Variants in UGT3A1 observed in about 807,000 individuals in gnomAD.
UGT3A1 encodes the protein UDP-glycosyltransferase 3A1.
A neutral mutation model predicts 37.6 loss-of-function variants in UGT3A1; 40 were observed. That is an observed-to-expected ratio of 1.06 (90% CI 0.83 to 1.38). The LOEUF (loss-of-function observed/expected upper bound fraction) is 1.38, where lower values mean the gene tolerates loss of function less well. Ranked by LOEUF, UGT3A1 falls within the 40% of genes most tolerant of loss-of-function variation. The pLI is 0.00. For synonymous variants in UGT3A1, 256 were observed against 232.3 expected (o/e 1.10, Z -0.93); for missense variants, 642 against 634.2 (o/e 1.01, Z -0.13).
In UGT3A1 at chr5:35,988,533, A is replaced by AGTAG; in HGVS notation, c.109_112dup (p.Leu38ProfsTer16). On this transcript the variant is annotated frameshift_variant, in exon 2 of 7. Coordinates refer to ENST00000274278, the MANE Select transcript of UGT3A1 (RefSeq NM_152404.4). LOFTEE classifies it high-confidence loss of function. ...AAGAATCTGAGACACCCGGTCCAAC[A>AGTAG]GTAGGTAATGGCTTCCACCTAGAAA... 1 of 1,613,212 alleles carries AGTAG rather than the reference A, an allele frequency of 6.2e-7. No homozygotes were observed. Among genetic ancestry groups the AGTAG allele is most frequent in the Non-Finnish European group, 8.5e-7 (1 of 1,179,600 alleles).
In UGT3A1 at chr5:35,953,026, G is replaced by A. The variant is rs1342601896; in HGVS notation, c.*1176C>T. On this transcript the variant is annotated 3_prime_UTR_variant, in exon 7 of 7. Transcript: ENST00000274278. ...TAGAATTAAACAATCTAAAACTATG[G>A]TTCATCCAGGGCCTCTCCATATGCC... 6.6e-6 allele frequency: 1 copy of A among 152,240 alleles called. No individual in the cohort carries two copies. Among genetic ancestry groups the A allele is most frequent in the Non-Finnish European group, 1.5e-5 (1 of 68,034 alleles). 9.4% of individuals were successfully genotyped at this position (152,240 alleles called of 1,614,324 possible).
chr5:35,973,249 C>T (rs151103061), intron 2 of UGT3A1, among the ~76,000 whole-genome samples: 165 of 152,118 alleles, frequency 1.1e-3, no homozygotes, highest in Non-Finnish European at 1.2e-3. Flanking sequence ...TTTTTAGATT[C>T]AAAAATAGAC....
chr5:35,964,341 G>A (rs896859365), intron 4 of UGT3A1, among the ~76,000 whole-genome samples: 2 of 151,978 alleles, frequency 1.3e-5, no homozygotes, highest in Non-Finnish European at 2.9e-5. Flanking sequence ...TCTAGCCAGC[G>A]TCACCCAGAG....
At chr5:35,973,344 T>C (rs540851686) in intron 2 of UGT3A1, among the ~76,000 whole-genome samples, 1 of 152,238 alleles carries the variant, frequency 6.6e-6, no homozygotes, top group East Asian at 1.9e-4. Flanking sequence ...AAATCTGGGG[T>C]ACATGTGTAG....
chr5:35,983,122 C>T (rs1348599570), intron 2 of UGT3A1, among the ~76,000 whole-genome samples: 1 of 151,180 alleles, frequency 6.6e-6, no homozygotes, highest in African/African-American at 2.4e-5. Flanking sequence ...TCAGGCAGTT[C>T]TATATAGTAA....
upstream of UGT3A1, among the ~76,000 whole-genome samples, chr5:35,993,508 T>C (rs1288145522): frequency 1.3e-5 from 2 of 151,748 alleles, no homozygotes; most frequent in East Asian, 3.9e-4. Context: ...AAGGCATGAA[T>C]GACTATTTTT....
In UGT3A1 at chr5:35,991,283, G is replaced by A; in HGVS notation, c.-43C>T. On this transcript the variant is annotated 5_prime_UTR_variant, in exon 1 of 7. Transcript: ENST00000274278. Reference sequence around the variant, plus strand: ...CAGCGGATCTCAGCCTGGGCTGCGCGCCCTGCGCCGGGCTAAGGACTCTGT... The same window carrying A: ...CAGCGGATCTCAGCCTGGGCTGCGCACCCTGCGCCGGGCTAAGGACTCTGT... 4 of 1,612,782 alleles carry A rather than the reference G, an allele frequency of 2.5e-6. No homozygotes were observed. The highest frequency in any genetic ancestry group is 2.5e-6 in the Non-Finnish European group (3 of 1,179,254).
chr5:35,986,624 GGAT>G (rs1381824750), intron 2 of UGT3A1, among the ~76,000 whole-genome samples: 1 of 152,034 alleles, frequency 6.6e-6, no homozygotes, highest in Non-Finnish European at 1.5e-5. Context: ...TTACAAAAGA[GGAT>G]CTTATGAAAG....
At chr5:35,968,194 CATG>C (rs1739893551) in intron 2 of UGT3A1, 61 bp from the exon 3 acceptor site, 1 of 949,100 alleles carries the variant, frequency 1.1e-6, no homozygotes, top group Non-Finnish European at 1.6e-6. Flanking sequence ...TTAACATTAG[CATG>C]ATGATATTAA....
intron 4 of UGT3A1, among the ~76,000 whole-genome samples, chr5:35,958,806 C>A (rs1464007896): frequency 2.0e-5 from 3 of 152,194 alleles, no homozygotes; most frequent in East Asian, 1.9e-4. Flanking sequence ...CCAGAAGGAG[C>A]AGAATAGAAA....
At chr5:35,998,093 G>A (rs185921758) in intron 1 of UGT3A1, among the ~76,000 whole-genome samples, 1 of 152,136 alleles carries the variant, frequency 6.6e-6, no homozygotes, top group African/African-American at 2.4e-5. Flanking sequence ...CTAAAAAAAT[G>A]AACAACCTGA....
At chr5:35,973,007 T>C (rs144379172) in intron 2 of UGT3A1, among the ~76,000 whole-genome samples, 2 of 152,242 alleles carry the variant, frequency 1.3e-5, no homozygotes, top group Non-Finnish European at 2.9e-5. Context: ...TATTTTCTGC[T>C]AAAGTCAAGG....
At chr5:35,989,993 G>A (rs535047067) in intron 1 of UGT3A1, among the ~76,000 whole-genome samples, 209 of 152,148 alleles carry the variant, frequency 1.4e-3, no homozygotes, top group African/African-American at 4.7e-3. Flanking sequence ...TCGGGAGGCT[G>A]AGGCAGGAGA....
chr5:35,977,744 C>A (rs1486559880), intron 2 of UGT3A1, among the ~76,000 whole-genome samples: 2 of 152,104 alleles, frequency 1.3e-5, no homozygotes, highest in Non-Finnish European at 2.9e-5. Context: ...TATGTTATAG[C>A]AATGTGAAAT....
At chr5:35,986,630 T>C (rs989047711) in intron 2 of UGT3A1, among the ~76,000 whole-genome samples, 1 of 152,062 alleles carries the variant, frequency 6.6e-6, no homozygotes, top group African/African-American at 2.4e-5. Flanking sequence ...AAGAGGATCT[T>C]ATGAAAGTAG....
intron 2 of UGT3A1, among the ~76,000 whole-genome samples, chr5:35,973,884 T>A (rs1303792238): frequency 6.6e-6 from 1 of 152,184 alleles, no homozygotes; most frequent in East Asian, 1.9e-4. Context: ...ATTAGAATAA[T>A]CTGATTCATG....
At chr5:35,968,167 A>G (rs1739892315) in intron 2 of UGT3A1, 34 bp from the exon 3 acceptor site, 1 of 1,299,046 alleles carries the variant, frequency 7.7e-7, no homozygotes. Flanking sequence ...AAAGGTAAAT[A>G]TATCATACAA....
At chr5:35,964,654 A>C (rs553546818) in intron 4 of UGT3A1, among the ~76,000 whole-genome samples, 1 of 152,316 alleles carries the variant, frequency 6.6e-6, no homozygotes, top group East Asian at 1.9e-4. Flanking sequence ...CATTAATAAA[A>C]ATGGAGATGA....
chr5:35,951,222 C>T lies in UGT3A1; in HGVS notation c.*2980G>A, dbSNP rs141695918. ...ATATACTTGGTATGCAAAATATTAA[C>T]GTTTCCAAAATCCAAACTATGTAAA... is the stretch of plus-strand genomic sequence containing the variant. On this transcript the variant is annotated 3_prime_UTR_variant, in exon 7 of 7. Coordinates refer to ENST00000274278, the MANE Select transcript of UGT3A1 (RefSeq NM_152404.4). The T allele has an allele frequency of 7.0e-3, 1,070 of 152,192 alleles. 18 individuals carry two copies. The highest frequency in any genetic ancestry group is 0.024 in the African/African-American group (1,009 of 41,534). 9.4% of individuals were successfully genotyped at this position (152,192 alleles called of 1,614,324 possible). A position where few individuals can be genotyped will look rare whatever the true frequency, so the allele number is the denominator to read the frequency against.
Sources: gnomAD v4.1 joint callset for allele counts (sites outside exome capture counted in the v4.1 genomes callset) on GRCh38, gnomAD v4.1.1 for gene constraint, MANE v1.5 for transcripts, NCBI Gene and HGNC (gene_info 2026-07-23, HGNC 2026-07-21) for gene names.